Variants in ZFHX3 observed in about 807,000 individuals in gnomAD.
ZFHX3 encodes zinc finger homeobox protein 3.
In ZFHX3, 42 loss-of-function variants were observed where a neutral mutation model predicts 279.1. The observed-to-expected ratio is 0.15, with a 90% CI of 0.12 to 0.19. ZFHX3 has a LOEUF of 0.19. Among genes scored for constraint, ZFHX3 ranks in the 10% least tolerant of loss-of-function variants. The pLI, the probability that ZFHX3 is intolerant of heterozygous loss-of-function variation, is 1.00. For missense variants in ZFHX3, 4,981 were observed against 4,754.0 expected, an observed-to-expected ratio of 1.05 and a Z score of -1.40; for synonymous variants, 2,293 against 1,957.8, an observed-to-expected ratio of 1.17 and a Z score of -4.52.
At chr16:73,018,183 G>C (rs1451560814) in intron 1 of ZFHX3, among the ~76,000 whole-genome samples, 1 of 151,572 alleles carries the variant, frequency 6.6e-6, no homozygotes, top group Non-Finnish European at 1.5e-5. Flanking sequence ...ATAGAGACAG[G>C]GTCTCACTAT....
chr16:72,956,374 G>A (rs867926860), intron 2 of ZFHX3, among the ~76,000 whole-genome samples: 6 of 152,306 alleles, frequency 3.9e-5, no homozygotes, highest in Non-Finnish European at 7.3e-5. Context: ...GCAGCGTCAC[G>A]GGATGGGACG....
intron 2 of ZFHX3, among the ~76,000 whole-genome samples, chr16:73,566,903 T>G (rs1029230212): frequency 1.3e-5 from 2 of 152,164 alleles, no homozygotes; most frequent in Non-Finnish European, 2.9e-5. Flanking sequence ...TTCTCCATGT[T>G]GGTCAGGCTG....
chr16:73,805,218 G>C (rs1482155111), intron 1 of ZFHX3, among the ~76,000 whole-genome samples: 1 of 151,724 alleles, frequency 6.6e-6, no homozygotes, highest in African/African-American at 2.4e-5. Context: ...GCCCAGGCTG[G>C]AGTGCAATGG....
At chr16:73,495,027 G>T (rs1305791201) in intron 2 of ZFHX3, among the ~76,000 whole-genome samples, 3 of 152,212 alleles carry the variant, frequency 2.0e-5, no homozygotes, top group East Asian at 1.9e-4. Flanking sequence ...CCTGGCAGGG[G>T]AGGAAACAGC....
At chr16:72,946,941 G>A (rs188726260) in intron 3 of ZFHX3, among the ~76,000 whole-genome samples, 2 of 152,320 alleles carry the variant, frequency 1.3e-5, no homozygotes, top group African/African-American at 4.8e-5. Context: ...TTTCCATGCT[G>A]GCTCAGATGT....
At chr16:73,024,513 A>G (rs1964424118) in intron 1 of ZFHX3, among the ~76,000 whole-genome samples, 2 of 152,154 alleles carry the variant, frequency 1.3e-5, no homozygotes, top group African/African-American at 4.8e-5. Context: ...GGTAGCTGCA[A>G]ATAAGCCCAC....
chr16:73,511,266 G>T (rs2019423715), intron 2 of ZFHX3, among the ~76,000 whole-genome samples: 1 of 152,178 alleles, frequency 6.6e-6, no homozygotes, highest in Admixed American at 6.5e-5. Flanking sequence ...ATCCACCCTG[G>T]CACTGGCCTT....
intron 5 of ZFHX3, among the ~76,000 whole-genome samples, chr16:73,243,672 C>T (rs1714709921): frequency 1.3e-5 from 2 of 152,068 alleles, no homozygotes; most frequent in South Asian, 4.2e-4. Flanking sequence ...CGGGGTTTTG[C>T]TTCAGTGATT....
chr16:73,458,133 A>C (rs1458813794), intron 2 of ZFHX3, among the ~76,000 whole-genome samples: 1 of 152,138 alleles, frequency 6.6e-6, no homozygotes, highest in African/African-American at 2.4e-5. Context: ...ATCTTTATAG[A>C]AATTACTTTC....
At chr16:73,269,268 G>A (rs144044524) in intron 4 of ZFHX3, among the ~76,000 whole-genome samples, 3 of 152,264 alleles carry the variant, frequency 2.0e-5, no homozygotes, top group East Asian at 3.9e-4. Context: ...ACCACCACCA[G>A]GGAGCCATTG....
At chr16:73,716,047 T>C (rs1439979718) in intron 1 of ZFHX3, among the ~76,000 whole-genome samples, 1 of 152,226 alleles carries the variant, frequency 6.6e-6, no homozygotes, top group Non-Finnish European at 1.5e-5. Flanking sequence ...TATTGACGTC[T>C]TTTGTCTATT....
At chr16:73,559,116 C>T (rs534565637) in intron 2 of ZFHX3, among the ~76,000 whole-genome samples, 40 of 151,986 alleles carry the variant, frequency 2.6e-4, no homozygotes, top group Non-Finnish European at 5.4e-4. Context: ...GGTGCTATCA[C>T]GGCTCACTGC....
At chr16:73,726,443 T>C (rs944432306) in intron 1 of ZFHX3, among the ~76,000 whole-genome samples, 2 of 152,188 alleles carry the variant, frequency 1.3e-5, no homozygotes, top group Non-Finnish European at 2.9e-5. Context: ...GCTGTGGGGA[T>C]TGTCCTATGC....
chr16:72,952,655 C>T (rs764044774), intron 2 of ZFHX3, among the ~76,000 whole-genome samples: 6 of 152,232 alleles, frequency 3.9e-5, no homozygotes, highest in Non-Finnish European at 7.3e-5. Flanking sequence ...CTCAGCTCCA[C>T]GTCTCCACGA....
chr16:73,064,931 C>A (rs1012809655), intron 8 of ZFHX3, among the ~76,000 whole-genome samples: 3 of 152,188 alleles, frequency 2.0e-5, no homozygotes, highest in Non-Finnish European at 4.4e-5. Flanking sequence ...AAGTTTGCAC[C>A]ACATGTAAAG....
intron 3 of ZFHX3, among the ~76,000 whole-genome samples, chr16:73,347,623 G>A (rs1459430776): frequency 6.6e-6 from 1 of 152,196 alleles, no homozygotes; most frequent in Admixed American, 6.5e-5. Context: ...GTTTAAGCAT[G>A]ACTGCTATGG....
chr16:73,244,836 T>C (rs1377989634), intron 5 of ZFHX3, among the ~76,000 whole-genome samples: 2 of 152,134 alleles, frequency 1.3e-5, no homozygotes, highest in Non-Finnish European at 2.9e-5. Context: ...GACTGATACA[T>C]GGCAGAGGAC....
chr16:73,636,132 G>T (rs577423175), intron 2 of ZFHX3, among the ~76,000 whole-genome samples: 101 of 152,222 alleles, frequency 6.6e-4, no homozygotes, highest in African/African-American at 2.3e-3. Flanking sequence ...TATAATTTCA[G>T]TTCTCATATA....
At chr16:73,010,770 T>A (rs1347102020) in intron 1 of ZFHX3, among the ~76,000 whole-genome samples, 1 of 152,208 alleles carries the variant, frequency 6.6e-6, no homozygotes, top group African/African-American at 2.4e-5. Context: ...TACATCAAGT[T>A]CTACTCTCTG....
Sources: gnomAD v4.1 joint callset for allele counts (sites outside exome capture counted in the v4.1 genomes callset) on GRCh38, gnomAD v4.1.1 for gene constraint, MANE v1.5 for transcripts, NCBI Gene and HGNC (gene_info 2026-07-23, HGNC 2026-07-21) for gene names.